ANG: variants seen among roughly 807,000 people sequenced by gnomAD.
The protein encoded by ANG is Homo sapiens epididymis luminal protein 168.
For missense variants in ANG, 178 were observed against 187.4 expected, an observed-to-expected ratio of 0.95 and a Z score of 0.29; for synonymous variants, 74 against 73.8, an observed-to-expected ratio of 1.00 and a Z score of -0.02.
upstream of ANG, among the ~76,000 whole-genome samples, chr14:20,685,730 A>G (rs573184863): frequency 1.3e-5 from 2 of 152,284 alleles, no homozygotes; most frequent in Admixed American, 6.5e-5. Context: ...TTGTCTAGAA[A>G]GTACTAGTAT....
chr14:20,693,874 A>T lies in ANG; in HGVS notation c.310A>T (p.Thr104Ser). ...RISKSSFQVT[T>S]CKLHGGSPWP... ...AAGCAAGTCTTCTTTCCAGGTCACCACTTGCAAGCTACATGGAGGTTCCCC... is the reference window on the plus strand; with the variant it reads ...AAGCAAGTCTTCTTTCCAGGTCACCTCTTGCAAGCTACATGGAGGTTCCCC... Residue 104 changes from threonine to serine, a missense_variant, in exon 2 of 2, where the codon ACT (threonine) becomes TCT (serine). Thr to Ser is a moderately conservative substitution (Grantham distance 58). Coordinates refer to ENST00000397990, the MANE Select transcript of ANG (RefSeq NM_001097577.3). The T allele has an allele frequency of 6.2e-7, 1 of 1,614,182 alleles. No individual in the cohort carries two copies. Among genetic ancestry groups the T allele is most frequent in the Admixed American group, 1.7e-5 (1 of 60,024 alleles).
chr14:20,691,605 G>A (rs1886752035), intron 1 of ANG, among the ~76,000 whole-genome samples: 1 of 152,188 alleles, frequency 6.6e-6, no homozygotes, highest in South Asian at 2.1e-4. Flanking sequence ...CACACTTTCA[G>A]CATGGAATTT....
Position 20,694,056 on chromosome 14 carries a change from T to A in ANG, c.*48T>A. 6.2e-7 allele frequency: 1 copy of A among 1,606,410 alleles called. No individual in the cohort carries two copies. Among genetic ancestry groups the A allele is most frequent in the Non-Finnish European group, 8.5e-7 (1 of 1,173,062 alleles). ...CTGGCTCTGCTGTCCTTGCCTTCCA[T>A]TTCCCCTCTGCACCCAGAACAGTGG... On this transcript the variant is annotated 3_prime_UTR_variant, in exon 2 of 2. Transcript: ENST00000397990.
chr14:20,689,784 T>TGGC (rs1393112976), intron 1 of ANG, among the ~76,000 whole-genome samples: 1 of 151,156 alleles, frequency 6.6e-6, no homozygotes, highest in African/African-American at 2.4e-5. Context: ...AGCGTGGTGG[T>TGGC]GGCCGCCTGT....
At position 20,693,900 on chromosome 14, in the gene ANG, C is replaced by T; in HGVS notation, c.336C>T (p.Pro112=). Residue 112 remains proline, a synonymous_variant, in exon 2 of 2, where the codon CCC becomes CCT. Coordinates refer to ENST00000397990, the MANE Select transcript of ANG (RefSeq NM_001097577.3). Reference sequence around the variant, plus strand: ...CTTGCAAGCTACATGGAGGTTCCCCCTGGCCTCCATGCCAGTACCGAGCCA... The same window carrying T: ...CTTGCAAGCTACATGGAGGTTCCCCTTGGCCTCCATGCCAGTACCGAGCCA... ...VTTCKLHGGS[P]WPPCQYRATA... 1.2e-6 allele frequency: 2 copies of T among 1,614,176 alleles called. No homozygotes were observed. The highest frequency in any genetic ancestry group is 8.5e-7 in the Non-Finnish European group (1 of 1,180,018).
chr14:20,692,051 G>A (rs1273201224), intron 1 of ANG, among the ~76,000 whole-genome samples: 2 of 152,112 alleles, frequency 1.3e-5, no homozygotes, highest in Non-Finnish European at 2.9e-5. Context: ...TATTTGATAC[G>A]AAAATGTTCA....
At chr14:20,693,523 C>A in intron 1 of ANG, 24 bp from the exon 2 acceptor site, 1 of 1,607,502 alleles carries the variant, frequency 6.2e-7, no homozygotes, top group South Asian at 1.1e-5. Context: ...TTGGGTCTAC[C>A]ACACCTCCTT....
chr14:20,688,622 AG>A (rs1199957474), upstream of ANG: 1 of 856,506 alleles, frequency 1.2e-6, no homozygotes, highest in African/African-American at 1.8e-5. Flanking sequence ...TAATCCATTC[AG>A]GTGGGTTAAT....
In ANG at chr14:20,693,995, T is replaced by C; in HGVS notation, c.431T>C (p.Phe144Ser). ...GLPVHLDQSIFRRP is the reference protein window; with the variant it reads ...GLPVHLDQSISRRP Reference sequence around the variant, plus strand: ...CCTGTCCACTTGGATCAGTCAATTTTCCGTCGTCCGTAACCAGCGGGCCCC... The same window carrying C: ...CCTGTCCACTTGGATCAGTCAATTTCCCGTCGTCCGTAACCAGCGGGCCCC... Residue 144 changes from phenylalanine to serine, a missense_variant, in exon 2 of 2, where the codon TTC becomes TCC. Physicochemically the swap from Phe to Ser is radical, Grantham distance 155. Coordinates refer to ENST00000397990, the MANE Select transcript of ANG (RefSeq NM_001097577.3). 2 of 1,614,128 alleles carry C rather than the reference T, an allele frequency of 1.2e-6. No homozygotes were observed. Among genetic ancestry groups the C allele is most frequent in the Non-Finnish European group, 1.7e-6 (2 of 1,180,042 alleles).
intron 1 of ANG, 169 bp from the exon 2 acceptor site, chr14:20,693,378 G>A (rs977704199): frequency 2.5e-6 from 2 of 809,670 alleles, no homozygotes; most frequent in African/African-American, 3.4e-5. Flanking sequence ...TCCGCAGGAA[G>A]GGATTGACGA....
At chr14:20,687,800 G>A (rs570899701), upstream of ANG, among the ~76,000 whole-genome samples, 2 of 152,318 alleles carry the variant, frequency 1.3e-5, no homozygotes, top group East Asian at 3.9e-4. Flanking sequence ...CTAGCAGGCA[G>A]CCTGTCTTTT....
In ANG at chr14:20,693,874, A is replaced by G; in HGVS notation, c.310A>G (p.Thr104Ala). The G allele has an allele frequency of 1.2e-6, 2 of 1,614,182 alleles. No individual in the cohort carries two copies. Among genetic ancestry groups the G allele is most frequent in the Non-Finnish European group, 1.7e-6 (2 of 1,180,028 alleles). ...RISKSSFQVT[T>A]CKLHGGSPWP... is the part of the protein sequence containing the mutation. ...AAGCAAGTCTTCTTTCCAGGTCACCACTTGCAAGCTACATGGAGGTTCCCC... is the reference window on the plus strand; with the variant it reads ...AAGCAAGTCTTCTTTCCAGGTCACCGCTTGCAAGCTACATGGAGGTTCCCC... Residue 104 changes from threonine (T) to alanine (A), a missense_variant, in exon 2 of 2, where the codon ACT becomes GCT. Coordinates refer to ENST00000397990, the MANE Select transcript of ANG (RefSeq NM_001097577.3).
In ANG at chr14:20,693,851, G is replaced by A. The variant is rs1886953712; in HGVS notation, c.287G>A (p.Ser96Asn). 1 of 1,614,208 alleles carries A rather than the reference G, an allele frequency of 6.2e-7. No individual in the cohort carries two copies. The highest frequency in any genetic ancestry group is 8.5e-7 in the Non-Finnish European group (1 of 1,180,040). The change falls in exon 2 of 2, where the codon AGC becomes AAC. Residue 96 changes from serine (S) to asparagine (N), a missense_variant. Coordinates refer to ENST00000397990, the MANE Select transcript of ANG (RefSeq NM_001097577.3). ...CCTCACAGAGAAAACCTAAGAATAAGCAAGTCTTCTTTCCAGGTCACCACT... is the reference window on the plus strand; with the variant it reads ...CCTCACAGAGAAAACCTAAGAATAAACAAGTCTTCTTTCCAGGTCACCACT... ...GNPHRENLRISKSSFQVTTCK... is the reference protein window; with the variant it reads ...GNPHRENLRINKSSFQVTTCK...
At position 20,693,945 on chromosome 14, in the gene ANG, T is replaced by A; in HGVS notation, c.381T>A (p.Val127=). The A allele has an allele frequency of 6.2e-7, 1 of 1,614,080 alleles. No individual in the cohort carries two copies. Among genetic ancestry groups the A allele is most frequent in the Non-Finnish European group, 8.5e-7 (1 of 1,180,010 alleles). ...GAGCCACAGCGGGGTTCAGAAACGTTGTTGTTGCTTGTGAAAATGGCTTAC... is the reference window on the plus strand; with the variant it reads ...GAGCCACAGCGGGGTTCAGAAACGTAGTTGTTGCTTGTGAAAATGGCTTAC... ...QYRATAGFRN[V]VVACENGLPV... is the part of the protein sequence containing the mutation. The change falls in exon 2 of 2, where the codon GTT becomes GTA. Residue 127 remains valine (V), a synonymous_variant. Transcript: ENST00000397990.
chr14:20,687,317 C>T (rs991276247), upstream of ANG, among the ~76,000 whole-genome samples: 1 of 152,180 alleles, frequency 6.6e-6, no homozygotes, highest in African/African-American at 2.4e-5. Context: ...GTGTATCCTC[C>T]AAAGGTTGTC....
intron 1 of ANG, among the ~76,000 whole-genome samples, chr14:20,689,096 G>A (rs760785841): frequency 6.6e-6 from 1 of 152,176 alleles, no homozygotes; most frequent in Admixed American, 6.5e-5. Context: ...GTTTAGGAGG[G>A]ATTTCTAAAT....
rs141055235 is a variant in ANG at position 20,693,796 on chromosome 14, A to G, written c.232A>G (p.Lys78Glu). The part of the protein sequence containing the change: ...TFIHGNKRSI[K>E]AICENKNGNP... ...TATTCATGGCAACAAGCGCAGCATC[A>G]AGGCCATCTGTGAAAACAAGAATGG... The change falls in exon 2 of 2, where the codon AAG (lysine) becomes GAG (glutamate). Residue 78 changes from lysine to glutamate, a missense_variant. By Grantham distance (56) the Lys-to-Glu change is moderately conservative. Transcript: ENST00000397990. The G allele has an allele frequency of 9.5e-5, 154 of 1,614,232 alleles. No homozygotes were observed. Among genetic ancestry groups the G allele is most frequent in the Non-Finnish European group, 1.1e-4 (131 of 1,180,032 alleles).
In ANG at chr14:20,694,005, G is replaced by T. The variant is rs759928848; in HGVS notation, c.441G>T (p.Pro147=). 2 of 1,614,048 alleles carry T rather than the reference G, an allele frequency of 1.2e-6. No homozygotes were observed. The highest frequency in any genetic ancestry group is 4.5e-5 in the East Asian group (2 of 44,864). ...VHLDQSIFRR[P] The stretch of plus-strand genomic sequence containing the variant: ...TGGATCAGTCAATTTTCCGTCGTCC[G>T]TAACCAGCGGGCCCCTGGTCAAGTG... The change falls in exon 2 of 2, where the codon CCG becomes CCT. Residue 147 remains proline, a synonymous_variant. Coordinates refer to ENST00000397990, the MANE Select transcript of ANG (RefSeq NM_001097577.3).
At chr14:20,691,316 C>G (rs1363911444) in intron 1 of ANG, among the ~76,000 whole-genome samples, 1 of 152,180 alleles carries the variant, frequency 6.6e-6, no homozygotes, top group Non-Finnish European at 1.5e-5. Context: ...GTAAGGCAGA[C>G]CTTTGACATT....
Sources: gnomAD v4.1 joint callset for allele counts (sites outside exome capture counted in the v4.1 genomes callset) on GRCh38, gnomAD v4.1.1 for gene constraint, MANE v1.5 for transcripts, NCBI Gene and HGNC (gene_info 2026-07-23, HGNC 2026-07-21) for gene names.